Variants in TSPAN14 observed in about 807,000 individuals in gnomAD.
TSPAN14 encodes tetraspanin 14.
Under a neutral mutation model 36.6 loss-of-function variants are expected in TSPAN14, and 16 were observed. The ratio of observed to expected loss-of-function variants is 0.44; its 90% CI spans 0.30 to 0.66. The LOEUF is 0.66. Among genes scored for constraint, TSPAN14 ranks in the 30% least tolerant of loss-of-function variants. The pLI, the probability that TSPAN14 is intolerant of heterozygous loss-of-function variation, is 0.12. For synonymous variants in TSPAN14, 139 were observed against 143.8 expected, an observed-to-expected ratio of 0.97 and a Z score of 0.24; for missense variants, 231 against 355.1, an observed-to-expected ratio of 0.65 and a Z score of 2.81.
At chr10:80,517,258 T>G (rs779513277) in intron 8 of TSPAN14, among the ~76,000 whole-genome samples, 11 of 152,214 alleles carry the variant, frequency 7.2e-5, no homozygotes, top group Non-Finnish European at 1.5e-4. Flanking sequence ...AAAAAGTTAT[T>G]TGCAAAATAG....
chr10:80,509,709 C>T lies in TSPAN14; in HGVS notation c.450+238C>T, dbSNP rs1350075088. 4 of 498,236 alleles carry T rather than the reference C, an allele frequency of 8.0e-6. No homozygotes were observed. Among genetic ancestry groups the T allele is most frequent in the South Asian group, 4.9e-5 (2 of 40,748 alleles). The allele number at this position is 498,236 out of a possible 1,614,324, so 30.9% of individuals were successfully genotyped here. ...TTGGGCAGGCAAGTCCAGCTGTACC[C>T]GAGGCCACCCACCCCCCACGTGCCC... On this transcript the variant is annotated intron_variant, in intron 5 of 8. Coordinates refer to ENST00000429989, the Ensembl canonical transcript of TSPAN14. The surrounding 1 kb of genome is among the most constrained non-coding windows in gnomAD (Gnocchi z 4.7).
At position 80,509,837 on chromosome 10, in the gene TSPAN14, C is replaced by G. The variant is rs1048856058; in HGVS notation, c.450+366C>G. On this transcript the variant is annotated intron_variant, in intron 5 of 8. Transcript: ENST00000429989. This position sits in a 1 kb window ranked among gnomAD's most constrained non-coding sequence, Gnocchi z 4.7. ...ATACCGTAAGGCACAGCTTCTTCCC[C>G]CCGGCTCATGACTCACCATCTGACG... The G allele has an allele frequency of 2.6e-4, 52 of 198,294 alleles. No homozygotes were observed. Among genetic ancestry groups the G allele is most frequent in the African/African-American group, 1.2e-3 (50 of 43,170 alleles). The allele number at this position is 198,294 out of a possible 1,614,324, so 12.3% of individuals were successfully genotyped here. A position where few individuals can be genotyped will look rare whatever the true frequency, so the allele number is the denominator to read the frequency against.
intron 5 of TSPAN14, among the ~76,000 whole-genome samples, chr10:80,510,469 T>C (rs923119003): frequency 1.3e-5 from 2 of 152,218 alleles, no homozygotes; most frequent in Non-Finnish European, 2.9e-5. Flanking sequence ...CACCGTCCTT[T>C]TTTCATTTTC....
intron 8 of TSPAN14, among the ~76,000 whole-genome samples, chr10:80,516,605 C>T (rs1318327953): frequency 2.0e-5 from 3 of 152,190 alleles, no homozygotes; most frequent in Admixed American, 1.3e-4. Flanking sequence ...TGGCAGCCCT[C>T]TCCAGAGGGC....
intron 1 of TSPAN14, among the ~76,000 whole-genome samples, chr10:80,472,163 A>G (rs572103326): frequency 1.7e-4 from 26 of 152,170 alleles, no homozygotes; most frequent in South Asian, 6.2e-4. Context: ...AAAATCTCCA[A>G]TGGGGCCCAA....
intron 1 of TSPAN14, among the ~76,000 whole-genome samples, chr10:80,478,374 C>T (rs960856088): frequency 3.3e-5 from 5 of 152,062 alleles, no homozygotes; most frequent in African/African-American, 1.2e-4. Context: ...AAAGCATCAG[C>T]CAGGCTTCCC....
chr10:80,454,884 C>T (rs1564703927), intron 1 of TSPAN14, among the ~76,000 whole-genome samples: 1 of 152,144 alleles, frequency 6.6e-6, no homozygotes, highest in Non-Finnish European at 1.5e-5. Context: ...CCGCCCCTTC[C>T]TCCTGCCCCG....
intron 1 of TSPAN14, among the ~76,000 whole-genome samples, chr10:80,454,652 C>G (rs1845649234): frequency 6.6e-6 from 1 of 152,100 alleles, no homozygotes. Context: ...GGCCGGCACT[C>G]CTGGTTCGGT....
chr10:80,461,528 GGATT>G (rs1845967190), intron 1 of TSPAN14, among the ~76,000 whole-genome samples: 1 of 152,122 alleles, frequency 6.6e-6, no homozygotes, highest in African/African-American at 2.4e-5. Context: ...TAGTGGTGGG[GGATT>G]CATTCCCAAG....
exon 9 of TSPAN14, chr10:80,518,201 C>T: frequency 3.5e-6 from 2 of 579,434 alleles, no homozygotes; most frequent in Non-Finnish European, 3.1e-6. Context: ...TGGAGTCTAC[C>T]CAGAGACAGA....
In TSPAN14 at chr10:80,497,047, C is replaced by T. The variant is rs79777630; in HGVS notation, c.82-7681C>T. Among the ~76,000 whole-genome samples the T allele has an allele frequency of 2.4e-3, 372 of 152,214 alleles. 4 individuals are homozygous for T. The highest frequency in any genetic ancestry group is 7.7e-3 in the African/African-American group (321 of 41,532). On this transcript the variant is annotated intron_variant, in intron 2 of 8. Coordinates refer to ENST00000429989, the Ensembl canonical transcript of TSPAN14. ...TTTTCTACTAAGTATTCTTCCCTAA[C>T]AGTATTAAGTCTTTTGTGTCTGACA...
At chr10:80,467,203 G>A (rs1846294311) in intron 1 of TSPAN14, among the ~76,000 whole-genome samples, 2 of 152,202 alleles carry the variant, frequency 1.3e-5, no homozygotes, top group South Asian at 4.1e-4. Context: ...AAGGGAGGAG[G>A]TATGTAATGA....
chr10:80,471,417 G>C (rs1413040004), intron 1 of TSPAN14, among the ~76,000 whole-genome samples: 2 of 152,092 alleles, frequency 1.3e-5, no homozygotes, highest in African/African-American at 4.8e-5. Context: ...GGACTCCCTG[G>C]GTTCTTGTTC....
At chr10:80,499,098 T>A (rs944657419) in intron 2 of TSPAN14, among the ~76,000 whole-genome samples, 29 of 152,202 alleles carry the variant, frequency 1.9e-4, no homozygotes, top group African/African-American at 6.8e-4. Context: ...CACGCTTAAA[T>A]GAAATCTTGC....
intron 2 of TSPAN14, among the ~76,000 whole-genome samples, chr10:80,504,382 T>C (rs1840173462): frequency 6.6e-6 from 1 of 152,238 alleles, no homozygotes; most frequent in Admixed American, 6.5e-5. Context: ...GGGTGATGTC[T>C]TCGTATACAC....
intron 1 of TSPAN14, chr10:80,485,733 T>G: frequency 1.0e-6 from 1 of 976,028 alleles, no homozygotes; most frequent in Non-Finnish European, 1.2e-6. Flanking sequence ...CGAGGTTAGG[T>G]GGGTGGCAGG....
At chr10:80,514,341 AG>A (rs1400748216) in intron 7 of TSPAN14, among the ~76,000 whole-genome samples, 2 of 152,152 alleles carry the variant, frequency 1.3e-5, no homozygotes, top group Non-Finnish European at 2.9e-5. Context: ...GGAAGTTTTG[AG>A]GGACAAAGAC....
chr10:80,522,442 CAG>C (rs955790015), exon 9 of TSPAN14: 1 of 152,092 alleles, frequency 6.6e-6, no homozygotes, highest in South Asian at 2.1e-4. Context: ...ACCCGGGAGA[CAG>C]AGGTTGCAAC....
intron 1 of TSPAN14, among the ~76,000 whole-genome samples, chr10:80,465,031 C>T (rs1846164129): frequency 6.6e-6 from 1 of 152,192 alleles, no homozygotes. Flanking sequence ...GTTTCTGCCT[C>T]TGTCAAGATC....
Sources: gnomAD v4.1 joint callset for allele counts (sites outside exome capture counted in the v4.1 genomes callset) on GRCh38, gnomAD v4.1.1 for gene constraint, Gnocchi (gnomAD v3.1) non-coding constraint, MANE v1.5 for transcripts, NCBI Gene and HGNC (gene_info 2026-07-23, HGNC 2026-07-21) for gene names.